Variants in GPR132 observed in about 807,000 individuals in gnomAD.
GPR132 encodes probable G protein-coupled receptor 132.
GPR132 carries 4 observed loss-of-function variants against 1.9 expected under a neutral mutation model. The observed-to-expected ratio is 2.13, with a 90% CI of 1.05 to 4.87. The LOEUF is 4.87. GPR132 is among the 30% of genes most tolerant of loss of function. GPR132 has a pLI of 0.01. For missense variants in GPR132, 404 were observed against 512.5 expected (o/e 0.79, Z 2.04); for synonymous variants, 233 against 234.2 (o/e 0.99, Z 0.05).
At chr14:105,054,894 G>A (rs1441209026) in intron 3 of GPR132, among the ~76,000 whole-genome samples, 6 of 151,442 alleles carry the variant, frequency 4.0e-5, no homozygotes, top group African/African-American at 1.5e-4. Flanking sequence ...ACAAAAATTA[G>A]ACAGGCGTGG....
At position 105,056,231 on chromosome 14, in the gene GPR132, A is replaced by G. The variant is rs995890192; in HGVS notation, c.-746-65T>C. Reference sequence around the variant, plus strand: ...ACACTCAGTTGTCACCACTTCGCCCAAGACACAGGCCTGTGGCGGGCGGCG... The same window carrying G: ...ACACTCAGTTGTCACCACTTCGCCCGAGACACAGGCCTGTGGCGGGCGGCG... On this transcript the variant is annotated intron_variant, in intron 2 of 3. Coordinates refer to ENST00000329797, the MANE Select transcript of GPR132 (RefSeq NM_013345.4). This position sits in a 1 kb window ranked among gnomAD's most constrained non-coding sequence, Gnocchi z 6.0. 1.2e-5 allele frequency: 11 copies of G among 938,874 alleles called. No homozygotes were observed. The highest frequency in any genetic ancestry group is 1.8e-5 in the African/African-American group (1 of 56,216). 58.2% of individuals were successfully genotyped at this position (938,874 alleles called of 1,614,324 possible).
At position 105,051,414 on chromosome 14, in the gene GPR132, C is replaced by CTTCAG. The variant is rs757622700; in HGVS notation, c.722_723insCTGAA (p.Lys241AsnfsTer2). ...TGACAACCACCGCGATGGCCGAGTG[C>CTTCAG]TTCACCTTGGCCTTCTGGGCAGCGC... On this transcript the variant is annotated stop_gained and frameshift_variant, in exon 4 of 4. Coordinates refer to ENST00000329797, the MANE Select transcript of GPR132 (RefSeq NM_013345.4). LOFTEE classifies it low-confidence loss of function (END_TRUNC). The surrounding 1 kb of genome is among the most constrained non-coding windows in gnomAD (Gnocchi z 8.0). The CTTCAG allele has an allele frequency of 8.7e-6, 14 of 1,614,154 alleles. No individual in the cohort carries two copies. In the Admixed American group the frequency reaches 2.3e-4, roughly 27 times the overall value.
chr14:105,054,962 C>A (rs1275732224), intron 3 of GPR132, among the ~76,000 whole-genome samples: 1 of 146,994 alleles, frequency 6.8e-6, no homozygotes, highest in African/African-American at 2.5e-5. Flanking sequence ...ATGGTGTGAA[C>A]CCGGAAGGCA....
intron 3 of GPR132, chr14:105,054,168 G>C (rs1255635393): frequency 1.6e-5 from 20 of 1,266,528 alleles, no homozygotes; most frequent in Non-Finnish European, 1.9e-5. Flanking sequence ...CTCAGCACCT[G>C]ACGGACGGAC....
chr14:105,057,036 T>C, intron 2 of GPR132, 131 bp downstream of exon 2: 1 of 697,780 alleles, frequency 1.4e-6, no homozygotes, highest in South Asian at 1.6e-5. Flanking sequence ...AGATTTATTA[T>C]TGCTGAGCTA....
intron 1 of GPR132, among the ~76,000 whole-genome samples, chr14:105,061,442 C>T (rs556753325): frequency 1.3e-5 from 2 of 152,340 alleles, no homozygotes; most frequent in East Asian, 1.9e-4. Flanking sequence ...TGCCTCCCCT[C>T]GGGGTGAGTG....
rs748317035 is a variant in GPR132, at chr14:105,052,098, G to A, written c.39C>T (p.Asn13=). ...PMLLKNGYNG[N]ATPVTTTAPW... ...GGGCAGTGGTGGTCACTGGGGTGGC[G>A]TTTCCTGTGGGACAGAGACAAGAGT... Residue 13 remains asparagine (N), a synonymous_variant, in exon 4 of 4, where the codon AAC becomes AAT. Coordinates refer to ENST00000329797, the MANE Select transcript of GPR132 (RefSeq NM_013345.4). 28 of 1,560,900 alleles carry A rather than the reference G, an allele frequency of 1.8e-5. No homozygotes were observed. The highest frequency in any genetic ancestry group is 5.3e-5 in the Admixed American group (3 of 56,624).
rs1189853076 is a variant in GPR132, at chr14:105,056,253, G to A, written c.-746-87C>T. 6 of 798,602 alleles carry A rather than the reference G, an allele frequency of 7.5e-6. No homozygotes were observed. The highest frequency in any genetic ancestry group is 1.9e-5 in the African/African-American group (1 of 53,586). 49.5% of individuals were successfully genotyped at this position (798,602 alleles called of 1,614,324 possible). On this transcript the variant is annotated intron_variant, in intron 2 of 3. Transcript: ENST00000329797. This position sits in a 1 kb window ranked among gnomAD's most constrained non-coding sequence, Gnocchi z 6.0. Reference sequence around the variant, plus strand: ...CCCAAGACACAGGCCTGTGGCGGGCGGCGGGGGGCAGTGAAGGCAGTTCTC... The same window carrying A: ...CCCAAGACACAGGCCTGTGGCGGGCAGCGGGGGGCAGTGAAGGCAGTTCTC...
chr14:105,061,077 C>T (rs1010984810), intron 1 of GPR132, among the ~76,000 whole-genome samples: 1 of 152,266 alleles, frequency 6.6e-6, no homozygotes, highest in Non-Finnish European at 1.5e-5. Flanking sequence ...CACAGCCTGG[C>T]GAGGATGCCT....
intron 3 of GPR132, chr14:105,054,003 T>G (rs1886718722): frequency 1.6e-6 from 2 of 1,276,618 alleles, no homozygotes; most frequent in Non-Finnish European, 2.0e-6. Context: ...TCACGCAGGG[T>G]GTGCAGTGGT....
chr14:105,057,953 T>A (rs916459977), intron 1 of GPR132: 2 of 152,244 alleles, frequency 1.3e-5, no homozygotes, highest in Non-Finnish European at 2.9e-5. Context: ...CCTCCCAAAG[T>A]GCTGGGATTA....
chr14:105,060,145 G>A lies in GPR132; in HGVS notation c.-860-2865C>T, dbSNP rs984130119. ...GCTGAGGGTCTTCAGACTCTCCCTCGGGTGCCTGTGTGCTGGGCGCTGCCC... is the reference window on the plus strand; with the variant it reads ...GCTGAGGGTCTTCAGACTCTCCCTCAGGTGCCTGTGTGCTGGGCGCTGCCC... On this transcript the variant is annotated intron_variant, in intron 1 of 3. Coordinates refer to ENST00000329797, the MANE Select transcript of GPR132 (RefSeq NM_013345.4). This position sits in a 1 kb window ranked among gnomAD's most constrained non-coding sequence, Gnocchi z 6.3. 7.9e-5 allele frequency among the ~76,000 whole-genome samples: 12 copies of A among 152,178 alleles called. No homozygotes were observed. Among genetic ancestry groups the A allele is most frequent in the African/African-American group, 1.4e-4 (6 of 41,442 alleles).
intron 2 of GPR132, among the ~76,000 whole-genome samples, 153 bp downstream of exon 2, chr14:105,057,014 T>C (rs1212340580): frequency 6.6e-6 from 1 of 152,254 alleles, no homozygotes; most frequent in Non-Finnish European, 1.5e-5. Context: ...CATTTCTCCA[T>C]GTAGCACCTC....
At position 105,060,758 on chromosome 14, in the gene GPR132, T is replaced by C. The variant is rs979464013; in HGVS notation, c.-860-3478A>G. Among the ~76,000 whole-genome samples the C allele has an allele frequency of 6.6e-6, 1 of 152,196 alleles. No homozygotes were observed. The highest frequency in any genetic ancestry group is 2.4e-5 in the African/African-American group (1 of 41,446). On this transcript the variant is annotated intron_variant, in intron 1 of 3. Transcript: ENST00000329797. This position sits in a 1 kb window ranked among gnomAD's most constrained non-coding sequence, Gnocchi z 6.3. ...TCCCAAACCTGGGAGGATGAACTCT[T>C]GCTGGTCCAGGGCTGTGCCGCCCAG... is the stretch of plus-strand genomic sequence containing the variant.
Position 105,062,932 on chromosome 14 carries a change from A to G in GPR132, c.-861+2447T>C, listed in dbSNP as rs149553946. On this transcript the variant is annotated intron_variant, in intron 1 of 3. Coordinates refer to ENST00000329797, the MANE Select transcript of GPR132 (RefSeq NM_013345.4). ...GCTTTATTTGTTTGTTTGTTTGTTT[A>G]TTTATTTATTTGGAGACAGGGTCTT... is the stretch of plus-strand genomic sequence containing the variant. Among the ~76,000 whole-genome samples the G allele has an allele frequency of 6.7e-3, 993 of 148,788 alleles. 12 individuals are homozygous for G. Among genetic ancestry groups the G allele is most frequent in the East Asian group, 0.045 (222 of 4,964 alleles).
At chr14:105,053,295 G>C (rs1367392656) in intron 3 of GPR132, among the ~76,000 whole-genome samples, 1 of 151,786 alleles carries the variant, frequency 6.6e-6, no homozygotes, top group African/African-American at 2.4e-5. Context: ...TGAGTAGCTG[G>C]CATTACAGGC....
intron 1 of GPR132, among the ~76,000 whole-genome samples, chr14:105,063,542 A>C (rs981916805): frequency 4.0e-5 from 6 of 150,752 alleles, no homozygotes; most frequent in Non-Finnish European, 7.4e-5. Context: ...TGCCCGGCTA[A>C]TTTTTTGTAT....
intron 1 of GPR132, 145 bp from the exon 2 acceptor site, chr14:105,057,425 G>A (rs568930204): frequency 1.9e-5 from 9 of 477,478 alleles, no homozygotes; most frequent in East Asian, 7.0e-5. Flanking sequence ...AGAATCTGCC[G>A]TTGCATCCCA....
chr14:105,052,244 T>C (rs926126522), intron 3 of GPR132, 142 bp from the exon 4 acceptor site: 4 of 609,164 alleles, frequency 6.6e-6, no homozygotes, highest in Non-Finnish European at 1.1e-5. Flanking sequence ...AAATTGATTT[T>C]TTAGAGCAAT....
Sources: allele counts gnomAD v4.1 joint callset (sites outside exome capture counted in the v4.1 genomes callset), GRCh38; gene constraint gnomAD v4.1.1; non-coding constraint Gnocchi (gnomAD v3.1); transcripts MANE v1.5; gene names NCBI Gene and HGNC (gene_info 2026-07-23, HGNC 2026-07-21).